UBE2E1: variants seen among roughly 807,000 people sequenced by gnomAD.
UBE2E1 encodes the protein ubiquitin-conjugating enzyme E2 E1.
UBE2E1 carries 6 observed loss-of-function variants against 21.4 expected under a neutral mutation model. The observed-to-expected ratio is 0.28, with a 90% CI of 0.15 to 0.55. The LOEUF (loss-of-function observed/expected upper bound fraction) is 0.55, where lower values mean the gene tolerates loss of function less well. Ranked by LOEUF, UBE2E1 falls within the 20% of genes least tolerant of loss-of-function variation. The pLI is 0.93. For missense variants in UBE2E1, 142 were observed against 236.5 expected, an observed-to-expected ratio of 0.60 and a Z score of 2.62; for synonymous variants, 87 against 82.7, an observed-to-expected ratio of 1.05 and a Z score of -0.28.
At position 23,880,126 on chromosome 3, in the gene UBE2E1, T is replaced by TG. The variant is rs1263993683; in HGVS notation, c.204-7441_204-7440insG. Among the ~76,000 whole-genome samples the TG allele has an allele frequency of 1.5e-4, 23 of 152,250 alleles. No homozygotes were observed. In the East Asian group the frequency reaches 4.3e-3, roughly 28 times the overall value. On this transcript the variant is annotated intron_variant, in intron 3 of 5. Transcript: ENST00000306627. Reference sequence around the variant, plus strand: ...GGCTGGGCGCAGTGGCTCACGCCTGTAATCCCAGCACTTTGGGAGGCTGAG... The same window carrying TG: ...GGCTGGGCGCAGTGGCTCACGCCTGTGAATCCCAGCACTTTGGGAGGCTGAG...
At chr3:23,835,596 A>ATACTTTTAAATGTG (rs1699959706) in intron 3 of UBE2E1, among the ~76,000 whole-genome samples, 1 of 152,192 alleles carries the variant, frequency 6.6e-6, no homozygotes, top group Non-Finnish European at 1.5e-5. Flanking sequence ...GAAGTAATGT[A>ATACTTTTAAATGTG]TACTTTTAAA....
intron 3 of UBE2E1, among the ~76,000 whole-genome samples, chr3:23,874,040 T>C (rs1008064795): frequency 1.7e-4 from 26 of 152,362 alleles, no homozygotes; most frequent in African/African-American, 6.3e-4. Context: ...TCTGTACTTG[T>C]GTCACTTCCC....
At chr3:23,819,306 A>C (rs1699595696) in intron 3 of UBE2E1, among the ~76,000 whole-genome samples, 1 of 152,086 alleles carries the variant, frequency 6.6e-6, no homozygotes, top group Admixed American at 6.6e-5. Flanking sequence ...TAAATAAATA[A>C]ATAAATTGCT....
At position 23,842,751 on chromosome 3, in the gene UBE2E1, A is replaced by G. The variant is rs546172395; in HGVS notation, c.203+31241A>G. 9.2e-5 allele frequency among the ~76,000 whole-genome samples: 14 copies of G among 152,328 alleles called. 1 individual carries two copies. The South Asian group carries it at 1.7e-3, about 18-fold the overall frequency. On this transcript the variant is annotated intron_variant, in intron 3 of 5. Coordinates refer to ENST00000306627, the MANE Select transcript of UBE2E1 (RefSeq NM_003341.5). The surrounding 1 kb of genome is among the most constrained non-coding windows in gnomAD (Gnocchi z 4.6). ...TTTTTGAAGTCACACATAAGTTTTT[A>G]TACTTTTTGAGGGAATAAAGATTTC...
intron 5 of UBE2E1, 41 bp from the exon 6 acceptor site, chr3:23,890,468 C>G: frequency 6.3e-7 from 1 of 1,589,198 alleles, no homozygotes; most frequent in Non-Finnish European, 8.6e-7. Context: ...TTAAAATGTT[C>G]TTTTCCTTTC....
At chr3:23,822,158 T>C (rs1207672407) in intron 3 of UBE2E1, among the ~76,000 whole-genome samples, 1 of 152,212 alleles carries the variant, frequency 6.6e-6, no homozygotes, top group Middle Eastern at 3.2e-3. Flanking sequence ...GAAATGGTGC[T>C]GTGCAGTAGA....
intron 3 of UBE2E1, among the ~76,000 whole-genome samples, chr3:23,847,463 A>G (rs1419952786): frequency 6.7e-6 from 1 of 148,764 alleles, no homozygotes; most frequent in African/African-American, 2.5e-5. Flanking sequence ...TATATTTCAT[A>G]TCTGTGTGTG....
At chr3:23,828,559 A>G (rs888347574) in intron 3 of UBE2E1, among the ~76,000 whole-genome samples, 1 of 152,210 alleles carries the variant, frequency 6.6e-6, no homozygotes, top group Non-Finnish European at 1.5e-5. Context: ...CTTTTGCAAT[A>G]AAACATTAGA....
At chr3:23,813,285 A>G (rs1699442204) in intron 3 of UBE2E1, among the ~76,000 whole-genome samples, 1 of 152,196 alleles carries the variant, frequency 6.6e-6, no homozygotes, top group Non-Finnish European at 1.5e-5. Context: ...AAGAGAATGT[A>G]TATTACATTG....
At chr3:23,881,847 G>T (rs370089613) in intron 3 of UBE2E1, among the ~76,000 whole-genome samples, 9 of 152,228 alleles carry the variant, frequency 5.9e-5, no homozygotes, top group African/African-American at 1.9e-4. Context: ...TCTTCCTTCT[G>T]GTGGGTTCGT....
chr3:23,829,191 C>T (rs1699816186), intron 3 of UBE2E1, among the ~76,000 whole-genome samples: 2 of 150,530 alleles, frequency 1.3e-5, no homozygotes, highest in Non-Finnish European at 1.5e-5. Flanking sequence ...GAGAGGGCCT[C>T]GCTTTGTTGC....
At chr3:23,886,336 T>C (rs1189242657) in intron 3 of UBE2E1, among the ~76,000 whole-genome samples, 2 of 152,218 alleles carry the variant, frequency 1.3e-5, no homozygotes, top group Non-Finnish European at 2.9e-5. Flanking sequence ...CTCTACAGTT[T>C]CCTTCTTTCT....
intron 2 of UBE2E1, 82 bp downstream of exon 2, chr3:23,807,503 T>G (rs1699303752): frequency 1.3e-6 from 2 of 1,526,990 alleles, no homozygotes; most frequent in Admixed American, 2.1e-5. Context: ...CCAATGAGGA[T>G]AGCTTAAACG....
At chr3:23,889,462 A>G in intron 5 of UBE2E1, 24 of 1,403,964 alleles carry the variant, frequency 1.7e-5, no homozygotes, top group Non-Finnish European at 2.2e-5. Flanking sequence ...TTCTAGCAAC[A>G]AGGTATTTTA....
intron 3 of UBE2E1, among the ~76,000 whole-genome samples, chr3:23,847,488 A>ATTTTTTTTTTTTTTTT (rs71057627): frequency 1.0e-5 from 1 of 96,130 alleles, no homozygotes; most frequent in Admixed American, 1.3e-4. Context: ...TGTACTTTAA[A>ATTTTTTTTTTTTTTTT]TTTTTTTTTT....
At chr3:23,809,595 G>A (rs1699343265) in intron 2 of UBE2E1, among the ~76,000 whole-genome samples, 1 of 152,234 alleles carries the variant, frequency 6.6e-6, no homozygotes, top group South Asian at 2.1e-4. Context: ...AATGCTGTCT[G>A]TCAAGATGAA....
intron 5 of UBE2E1, chr3:23,889,725 T>A: frequency 1.0e-6 from 1 of 985,374 alleles, no homozygotes; most frequent in Non-Finnish European, 1.2e-6. Context: ...TATTGAATTG[T>A]GACTTTTTTG....
intron 3 of UBE2E1, among the ~76,000 whole-genome samples, chr3:23,860,073 G>C (rs1227426890): frequency 1.3e-5 from 2 of 152,146 alleles, no homozygotes; most frequent in Non-Finnish European, 2.9e-5. Flanking sequence ...ATAAGGGATG[G>C]TTCTTCTGAC....
chr3:23,861,202 T>C (rs999609475), intron 3 of UBE2E1, among the ~76,000 whole-genome samples: 3 of 152,244 alleles, frequency 2.0e-5, no homozygotes, highest in African/African-American at 7.2e-5. Context: ...GAAGTAGTTA[T>C]GATTTCCCCA....
Sources: gnomAD v4.1 joint callset for allele counts (sites outside exome capture counted in the v4.1 genomes callset) on GRCh38, gnomAD v4.1.1 for gene constraint, Gnocchi (gnomAD v3.1) non-coding constraint, MANE v1.5 for transcripts, NCBI Gene and HGNC (gene_info 2026-07-23, HGNC 2026-07-21) for gene names.